The following ABI3BP variants were observed in gnomAD, a reference collection of about 807,000 sequenced individuals.
The protein encoded by ABI3BP is ABI family member 3 binding protein, also known as target of Nesh-SH3.
Under a neutral mutation model 268.6 loss-of-function variants are expected in ABI3BP, and 216 were observed. The observed-to-expected ratio is 0.80, with a 90% CI of 0.72 to 0.90. The LOEUF is 0.90. Among genes scored for constraint, ABI3BP ranks in the 40% least tolerant of loss-of-function variants. ABI3BP has a pLI of 0.00. For synonymous variants in ABI3BP, 730 were observed against 730.0 expected, an observed-to-expected ratio of 1.00 and a Z score of 0.00; for missense variants, 2,090 against 2,182.4, an observed-to-expected ratio of 0.96 and a Z score of 0.84.
rs756727186 is a variant in ABI3BP, at chr3:100,792,653, A to G, written c.4024+38T>C. ...TTTCTTTCCTGATTAAAAGCAAATA[A>G]GGAAAAGTTATTCTCCAGAGGTAGG... On this transcript the variant is annotated intron_variant, in intron 55 of 67. Coordinates refer to ENST00000471714, the MANE Select transcript of ABI3BP (RefSeq NM_001375547.2). 31 of 1,585,954 alleles carry G rather than the reference A, an allele frequency of 2.0e-5. No homozygotes were observed. The East Asian group carries it at 6.5e-4, about 33-fold the overall frequency.
intron 4 of ABI3BP, among the ~76,000 whole-genome samples, chr3:100,889,853 C>T (rs2043706439): frequency 6.6e-6 from 1 of 152,088 alleles, no homozygotes; most frequent in Non-Finnish European, 1.5e-5. Flanking sequence ...TAGCTTGACT[C>T]GGATTTTAGT....
In ABI3BP at chr3:100,832,242, AAAACAG is replaced by A; in HGVS notation, c.2401+16_2401+21del. 6.5e-7 allele frequency: 1 copy of A among 1,533,242 alleles called. No individual in the cohort carries two copies. Among genetic ancestry groups the A allele is most frequent in the Non-Finnish European group, 8.7e-7 (1 of 1,144,524 alleles). The allele number at this position is 1,533,242 out of a possible 1,614,324, so 95.0% of individuals were successfully genotyped here. On this transcript the variant is annotated intron_variant, in intron 31 of 67. Coordinates refer to ENST00000471714, the MANE Select transcript of ABI3BP (RefSeq NM_001375547.2). ...CCGTGGTAGACTGCTTGGATTCTAC[AAAACAG>A]AAACTACATATTTACCCAGTTTAGT...
At chr3:100,807,285 T>C (rs1328560558) in intron 50 of ABI3BP, among the ~76,000 whole-genome samples, 1 of 151,940 alleles carries the variant, frequency 6.6e-6, no homozygotes. Context: ...TCCTATTCAT[T>C]ATTATTCACT....
chr3:100,859,703 A>G (rs543367562), intron 14 of ABI3BP, among the ~76,000 whole-genome samples: 14 of 152,316 alleles, frequency 9.2e-5, no homozygotes, highest in Admixed American at 2.6e-4. Flanking sequence ...GTAAGTTAGG[A>G]AGATGCCACA....
intron 4 of ABI3BP, 97 bp from the exon 5 acceptor site, chr3:100,886,420 G>T (rs1365262847): frequency 3.3e-6 from 3 of 917,130 alleles, no homozygotes; most frequent in Non-Finnish European, 3.0e-6. Flanking sequence ...ACCAACTTGG[G>T]ATACTATTTA....
intron 62 of ABI3BP, among the ~76,000 whole-genome samples, chr3:100,766,988 A>G (rs2096299794): frequency 6.6e-6 from 1 of 152,116 alleles, no homozygotes; most frequent in African/African-American, 2.4e-5. Flanking sequence ...ATAGACCCCA[A>G]TTCACCAATT....
chr3:100,862,315 T>C lies in ABI3BP; in HGVS notation c.1281A>G (p.Gln427=). Reference sequence around the variant, plus strand: ...TTAAGAAAAGGATTTAATTACCAGTTTGAGGCTGCAGAACTTTGGAATCTT... The same window carrying C: ...TTAAGAAAAGGATTTAATTACCAGTCTGAGGCTGCAGAACTTTGGAATCTT... ...ISEDSKVLQP[Q]TATYDVFSSP... Residue 427 remains glutamine, a synonymous_variant, in exon 14 of 68, where the codon CAA becomes CAG. Transcript: ENST00000471714. 1.9e-6 allele frequency: 3 copies of C among 1,595,896 alleles called. No homozygotes were observed. The highest frequency in any genetic ancestry group is 2.6e-6 in the Non-Finnish European group (3 of 1,171,640).
chr3:100,934,762 G>T (rs577865318), intron 1 of ABI3BP, among the ~76,000 whole-genome samples: 3 of 151,740 alleles, frequency 2.0e-5, no homozygotes, highest in African/African-American at 7.3e-5. Context: ...TCATATGTTT[G>T]TTGGCTGCAT....
intron 13 of ABI3BP, 130 bp from the exon 14 acceptor site, chr3:100,862,515 C>G (rs2153169028): frequency 3.2e-6 from 2 of 627,560 alleles, no homozygotes; most frequent in Non-Finnish European, 5.6e-6. Context: ...AATAAAAAGT[C>G]ATTATATATC....
Position 100,815,922 on chromosome 3 carries a change from T to C in ABI3BP, c.3279A>G (p.Gly1093=). The C allele has an allele frequency of 6.6e-7, 1 of 1,523,612 alleles. No homozygotes were observed. The highest frequency in any genetic ancestry group is 1.2e-5 in the South Asian group (1 of 80,988). 94.4% of individuals were successfully genotyped at this position (1,523,612 alleles called of 1,614,324 possible). A position where few individuals can be genotyped will look rare whatever the true frequency, so the allele number is the denominator to read the frequency against. ...EPVVHSTDAP[G]TTFALTELQT... is the part of the protein sequence containing the mutation. Reference sequence around the variant, plus strand: ...CACAAAAATCATTACCAAATGTTGTTCCTGGAGCATCAGTACTATGAACAA... The same window carrying C: ...CACAAAAATCATTACCAAATGTTGTCCCTGGAGCATCAGTACTATGAACAA... The change falls in exon 44 of 68, where the codon GGA becomes GGG. Residue 1093 remains glycine (G), a synonymous_variant. Transcript: ENST00000471714.
chr3:100,818,371 T>A (rs2098118454), intron 41 of ABI3BP, among the ~76,000 whole-genome samples, 154 bp downstream of exon 41: 1 of 152,184 alleles, frequency 6.6e-6, no homozygotes, highest in Admixed American at 6.6e-5. Flanking sequence ...CAGCTGATAA[T>A]GTGACACAGA....
chr3:100,868,920 T>A (rs1345974237), intron 9 of ABI3BP, among the ~76,000 whole-genome samples: 1 of 152,126 alleles, frequency 6.6e-6, no homozygotes, highest in Non-Finnish European at 1.5e-5. Flanking sequence ...AAAATTCAGA[T>A]CATGAATTTT....
intron 35 of ABI3BP, among the ~76,000 whole-genome samples, chr3:100,825,376 AT>A (rs33934845): frequency 0.43 from 64,172 of 149,126 alleles, 14,326 homozygotes; most frequent in African/African-American, 0.6. Flanking sequence ...CATACTGGGC[AT>A]TTTTTTTTTT....
intron 45 of ABI3BP, among the ~76,000 whole-genome samples, chr3:100,813,198 G>A (rs1301870354): frequency 6.6e-6 from 1 of 152,060 alleles, no homozygotes; most frequent in African/African-American, 2.4e-5. Context: ...AAGCTTGAAG[G>A]GCAGTATGTT....
intron 2 of ABI3BP, chr3:100,912,011 T>C (rs2056704507): frequency 1.3e-6 from 1 of 771,958 alleles, no homozygotes; most frequent in Non-Finnish European, 2.3e-6. Context: ...TGAATGTCAA[T>C]TGTATAAACA....
chr3:100,907,492 G>C (rs578035216), intron 2 of ABI3BP, among the ~76,000 whole-genome samples: 1 of 151,296 alleles, frequency 6.6e-6, no homozygotes, highest in South Asian at 2.1e-4. Flanking sequence ...ACCTTGTTTT[G>C]GGGGGGGAAT....
intron 1 of ABI3BP, among the ~76,000 whole-genome samples, chr3:100,982,124 T>C (rs1468939970): frequency 6.6e-6 from 1 of 152,018 alleles, no homozygotes; most frequent in Non-Finnish European, 1.5e-5. Context: ...AAAACTACCA[T>C]TTATAAAACC....
At chr3:100,834,613 C>T (rs893559138) in intron 29 of ABI3BP, 71 bp downstream of exon 29, 9 of 1,404,606 alleles carry the variant, frequency 6.4e-6, no homozygotes, top group Non-Finnish European at 8.8e-6. Flanking sequence ...TATAAAGTGG[C>T]ATGTTAAACT....
At chr3:100,794,864 T>C in intron 54 of ABI3BP, 59 bp downstream of exon 54, 2 of 1,289,996 alleles carry the variant, frequency 1.6e-6, no homozygotes, top group Non-Finnish European at 2.2e-6. Flanking sequence ...TTATGGTTAC[T>C]TTAAGGGAAA....
Sources: allele counts gnomAD v4.1 joint callset (sites outside exome capture counted in the v4.1 genomes callset), GRCh38; gene constraint gnomAD v4.1.1; transcripts MANE v1.5; gene names NCBI Gene and HGNC (gene_info 2026-07-23, HGNC 2026-07-21).